Variants in KCNAB2 observed in about 807,000 individuals in gnomAD.
KCNAB2 encodes voltage-gated potassium channel subunit beta-2.
A neutral mutation model predicts 63.6 loss-of-function variants in KCNAB2; 29 were observed. The observed-to-expected ratio is 0.46, with a 90% CI of 0.34 to 0.62. The LOEUF is 0.62. Ranked by LOEUF, KCNAB2 falls within the 20% of genes least tolerant of loss-of-function variation. KCNAB2 has a pLI of 0.01. For missense variants in KCNAB2, 359 were observed against 563.9 expected, an observed-to-expected ratio of 0.64 and a Z score of 3.68; for synonymous variants, 222 against 224.2, an observed-to-expected ratio of 0.99 and a Z score of 0.09.
upstream of KCNAB2, among the ~76,000 whole-genome samples, chr1:6,033,622 T>C (rs1008570482): frequency 6.6e-6 from 1 of 152,166 alleles, no homozygotes. Flanking sequence ...TTATTGCTAT[T>C]CTAATTATTT....
intron 15 of KCNAB2, 140 bp downstream of exon 15, chr1:6,097,497 C>T (rs1342114145): frequency 3.4e-6 from 5 of 1,453,554 alleles, no homozygotes; most frequent in Non-Finnish European, 3.7e-6. Flanking sequence ...AGTTGTGCTC[C>T]TGGAGAGCTT....
intron 1 of KCNAB2, 63 bp downstream of exon 1, chr1:6,046,246 G>C: frequency 2.1e-6 from 2 of 965,226 alleles, no homozygotes; most frequent in Non-Finnish European, 2.5e-6. Flanking sequence ...ACGCATCCGC[G>C]GGAATGAAAA....
rs1304000842 is a variant in KCNAB2, at chr1:6,049,850, G to A, written c.-26-1661G>A. ...AGGTCCCTGCAAATAAGATACAGAC[G>A]AATACTTGCAGGGAAACCCCCATGA... is the stretch of plus-strand genomic sequence containing the variant. On this transcript the variant is annotated intron_variant, in intron 1 of 15. Coordinates refer to ENST00000378083, the MANE Select transcript of KCNAB2 (RefSeq NM_001199862.2). Among the ~76,000 whole-genome samples the A allele has an allele frequency of 5.3e-5, 8 of 152,212 alleles. No homozygotes were observed. The South Asian group carries it at 8.3e-4, about 16-fold the overall frequency.
chr1:6,016,306 A>G lies in KCNAB2; in HGVS notation c.-53+23518A>G, dbSNP rs74707711. 9.5e-4 allele frequency among the ~76,000 whole-genome samples: 144 copies of G among 152,314 alleles called. 1 individual carries two copies. The East Asian group carries it at 0.026, about 27-fold the overall frequency. ...AGGGGTGGGTGGGACTCCACAGGCCAGGGCTCAGGGAGGACCTCGCTCCTG... is the reference window on the plus strand; with the variant it reads ...AGGGGTGGGTGGGACTCCACAGGCCGGGGCTCAGGGAGGACCTCGCTCCTG... On this transcript the variant is annotated intron_variant, in intron 1 of 16. Transcript: ENST00000341524.
intron 15 of KCNAB2, 181 bp downstream of exon 15, chr1:6,097,538 AC>A (rs1041425913): frequency 9.6e-7 from 1 of 1,043,862 alleles, no homozygotes; most frequent in Non-Finnish European, 1.4e-6. Flanking sequence ...ATGAACACTA[AC>A]TGCACGAAAC....
intron 2 of KCNAB2, among the ~76,000 whole-genome samples, chr1:6,067,102 C>G (rs1243466626): frequency 1.3e-5 from 2 of 152,206 alleles, no homozygotes; most frequent in Admixed American, 1.3e-4. Context: ...TCTGGGGCAC[C>G]CTTCTGGGGG....
intron 10 of KCNAB2, among the ~76,000 whole-genome samples, chr1:6,092,476 C>A (rs894017912): frequency 1.3e-5 from 2 of 152,358 alleles, no homozygotes; most frequent in Non-Finnish European, 2.9e-5. Context: ...AGTGAGGGAA[C>A]GGGGCTGGCC....
At chr1:6,034,111 C>T (rs1052898209), upstream of KCNAB2, among the ~76,000 whole-genome samples, 20 of 152,384 alleles carry the variant, frequency 1.3e-4, no homozygotes, top group Non-Finnish European at 2.4e-4. Context: ...CCTCCCTCTG[C>T]GCTAAAGGAG....
intron 2 of KCNAB2, among the ~76,000 whole-genome samples, chr1:6,062,300 A>G (rs1412895996): frequency 1.3e-5 from 2 of 150,220 alleles, no homozygotes; most frequent in African/African-American, 4.9e-5. Context: ...GGCAACAAGA[A>G]AAAAAAAAAG....
In KCNAB2 at chr1:6,010,919, G is replaced by A. The variant is rs548391453; in HGVS notation, c.-53+18131G>A. Among the ~76,000 whole-genome samples, 9 of 152,358 alleles carry A rather than the reference G, an allele frequency of 5.9e-5. No individual in the cohort carries two copies. The East Asian group carries it at 1.5e-3, about 26-fold the overall frequency. Reference sequence around the variant, plus strand: ...TGCATGGACAGTCCTGGCTCTGCAGGCGAGCAGCCTGCCCCAGCTCTTTCC... The same window carrying A: ...TGCATGGACAGTCCTGGCTCTGCAGACGAGCAGCCTGCCCCAGCTCTTTCC... On this transcript the variant is annotated intron_variant, in intron 1 of 16. Coordinates refer to the KCNAB2 transcript ENST00000341524.
intron 15 of KCNAB2, 30 bp downstream of exon 15, chr1:6,097,387 G>A (rs967261739): frequency 3.5e-5 from 54 of 1,549,766 alleles, no homozygotes; most frequent in Admixed American, 5.9e-5. Flanking sequence ...CTGGGCAGAG[G>A]GCCCATCCCA....
rs1355502489 is a variant in KCNAB2 at position 6,035,697 on chromosome 1, C to T, written c.-53+903C>T. Among the ~76,000 whole-genome samples the T allele has an allele frequency of 1.3e-5, 2 of 151,850 alleles. No individual in the cohort carries two copies. Among genetic ancestry groups the T allele is most frequent in the Non-Finnish European group, 2.9e-5 (2 of 67,946 alleles). ...ACCCAGGAATCCGAGGCACACGTTC[C>T]CCACCCTCATAGCTGAGCCACACAG... On this transcript the variant is annotated intron_variant, in intron 1 of 15. Transcript: ENST00000164247. This position sits in a 1 kb window ranked among gnomAD's most constrained non-coding sequence, Gnocchi z 5.0.
intron 2 of KCNAB2, among the ~76,000 whole-genome samples, chr1:6,058,789 C>T (rs1662062662): frequency 6.6e-6 from 1 of 152,190 alleles, no homozygotes; most frequent in African/African-American, 2.4e-5. Flanking sequence ...GAAGAGCTGC[C>T]GGGCCAGACG....
intron 13 of KCNAB2, among the ~76,000 whole-genome samples, chr1:6,095,864 T>G (rs1413306918): frequency 4.8e-5 from 4 of 83,416 alleles, no homozygotes; most frequent in East Asian, 3.6e-4. Context: ...CCCTTTCACA[T>G]CCCCCCCCCT....
rs868589727 is a variant in KCNAB2 at position 6,061,006 on chromosome 1, C to T, written c.218+9252C>T. On this transcript the variant is annotated intron_variant, in intron 2 of 15. Transcript: ENST00000378083. ...AGAGGGCATCCGCCCCCTTCCACTG[C>T]GAGCCTGTTGCCATTGTAGGGGAGG... Among the ~76,000 whole-genome samples, 8 of 152,226 alleles carry T rather than the reference C, an allele frequency of 5.3e-5. No individual in the cohort carries two copies. In the South Asian group the frequency reaches 1.2e-3, roughly 24 times the overall value.
Position 6,087,560 on chromosome 1 carries a change from G to A in KCNAB2, c.470+49G>A. On this transcript the variant is annotated intron_variant, in intron 7 of 15. Coordinates refer to ENST00000378083, the MANE Select transcript of KCNAB2 (RefSeq NM_001199862.2). The surrounding 1 kb of genome is among the most constrained non-coding windows in gnomAD (Gnocchi z 6.4). ...TTCCAGCCCCGGCCCAGCAGCCACG[G>A]CCCCGTGCTCCCCAGAGACCCCTGA... The A allele has an allele frequency of 1.9e-6, 3 of 1,596,514 alleles. No individual in the cohort carries two copies. In the South Asian group the frequency reaches 3.3e-5, roughly 18 times the overall value.
chr1:6,051,807 A>G (rs546973014), intron 2 of KCNAB2, 53 bp downstream of exon 2: 143 of 1,495,570 alleles, frequency 9.6e-5, no homozygotes, highest in Admixed American at 5.3e-4. Flanking sequence ...TCAGCCATAT[A>G]AATATGTATA....
rs74049347 is a variant in KCNAB2 at position 6,011,131 on chromosome 1, C to T, written c.-53+18343C>T. On this transcript the variant is annotated intron_variant, in intron 1 of 16. Coordinates refer to the KCNAB2 transcript ENST00000341524. ...TGGCCCCTGAGGCAGATGAAGTCCC[C>T]AGCAGATGGGGAGATGCAGCATTGC... Among the ~76,000 whole-genome samples, 463 of 152,352 alleles carry T rather than the reference C, an allele frequency of 3.0e-3. 3 individuals are homozygous for T. Among genetic ancestry groups the T allele is most frequent in the African/African-American group, 0.011 (444 of 41,580 alleles).
chr1:6,090,867 TG>T (rs1165825000), intron 9 of KCNAB2, among the ~76,000 whole-genome samples: 6 of 152,168 alleles, frequency 3.9e-5, no homozygotes, highest in Non-Finnish European at 7.4e-5. Context: ...TTGGGAAGCT[TG>T]GGGGGACTTT....
Sources: gnomAD v4.1 joint callset for allele counts (sites outside exome capture counted in the v4.1 genomes callset) on GRCh38, gnomAD v4.1.1 for gene constraint, Gnocchi (gnomAD v3.1) non-coding constraint, MANE v1.5 for transcripts, NCBI Gene and HGNC (gene_info 2026-07-23, HGNC 2026-07-21) for gene names.